NRG1: variants seen among roughly 807,000 people sequenced by gnomAD.
NRG1 encodes neuregulin 1, also known as pro-neuregulin-1, membrane-bound isoform.
A neutral mutation model predicts 63.8 loss-of-function variants in NRG1; 18 were observed. The observed-to-expected ratio is 0.28, with a 90% CI of 0.19 to 0.42. The LOEUF is 0.42. Ranked by LOEUF, NRG1 falls within the 10% of genes least tolerant of loss-of-function variation. The pLI is 1.00. For synonymous variants in NRG1, 302 were observed against 301.3 expected (o/e 1.00, Z -0.02); for missense variants, 762 against 814.7 (o/e 0.94, Z 0.79).
chr8:32,326,126 C>T (rs1237926180), intron 1 of NRG1, among the ~76,000 whole-genome samples: 2 of 151,874 alleles, frequency 1.3e-5, no homozygotes, highest in Non-Finnish European at 2.9e-5. Flanking sequence ...TCTCCTGCCT[C>T]AGCCTCCTGA....
At chr8:32,671,262 T>C (rs1432462297) in intron 5 of NRG1, among the ~76,000 whole-genome samples, 1 of 152,158 alleles carries the variant, frequency 6.6e-6, no homozygotes, top group African/African-American at 2.4e-5. Context: ...CCTCTTCCTT[T>C]GTTCCTCCTC....
intron 1 of NRG1, among the ~76,000 whole-genome samples, chr8:32,538,261 TC>T (rs1832225704): frequency 1.3e-5 from 2 of 152,146 alleles, no homozygotes; most frequent in Admixed American, 6.5e-5. Context: ...TCTCAAGCAA[TC>T]AAAAAATATC....
intron 1 of NRG1, among the ~76,000 whole-genome samples, chr8:32,317,246 C>A (rs775448053): frequency 1.3e-5 from 2 of 152,166 alleles, no homozygotes; most frequent in Non-Finnish European, 1.5e-5. Context: ...TTTGAAGCAT[C>A]TCTGCTTACG....
chr8:32,044,912 G>GA (rs1563719018), intron 1 of NRG1, among the ~76,000 whole-genome samples: 1 of 3,676 alleles, frequency 2.7e-4, no homozygotes, highest in Non-Finnish European at 9.6e-4. Flanking sequence ...ATAAAGAAAA[G>GA]CAAAAAAAAA....
chr8:31,645,139 T>C (rs1371386228), intron 1 of NRG1, among the ~76,000 whole-genome samples: 1 of 152,202 alleles, frequency 6.6e-6, no homozygotes, highest in Admixed American at 6.5e-5. Flanking sequence ...TGCATACATA[T>C]TGTTACTCCG....
chr8:31,743,765 G>C (rs559427354), intron 1 of NRG1, among the ~76,000 whole-genome samples: 1 of 151,936 alleles, frequency 6.6e-6, no homozygotes, highest in Non-Finnish European at 1.5e-5. Context: ...AGGCACAAAA[G>C]CTATGATTTT....
chr8:31,920,923 G>T (rs543906681), intron 1 of NRG1, among the ~76,000 whole-genome samples: 2 of 136,112 alleles, frequency 1.5e-5, no homozygotes, highest in East Asian at 4.8e-4. Flanking sequence ...TAGATAGATA[G>T]ATATAAAAAC....
intron 1 of NRG1, among the ~76,000 whole-genome samples, chr8:32,345,942 A>G (rs1345740766): frequency 6.6e-6 from 1 of 152,004 alleles, no homozygotes; most frequent in African/African-American, 2.4e-5. Context: ...TGGGAGGCAG[A>G]AGTTGCAGTG....
intron 1 of NRG1, among the ~76,000 whole-genome samples, chr8:31,865,449 G>T (rs1482145670): frequency 6.6e-6 from 1 of 152,070 alleles, no homozygotes; most frequent in Non-Finnish European, 1.5e-5. Context: ...ATATGGTTTT[G>T]CTGTGTTCCC....
intron 1 of NRG1, among the ~76,000 whole-genome samples, chr8:32,410,737 C>T (rs182163774): frequency 6.6e-6 from 1 of 152,170 alleles, no homozygotes; most frequent in East Asian, 1.9e-4. Context: ...ACTGAAAGTC[C>T]CCAGAGTCTG....
intron 5 of NRG1, among the ~76,000 whole-genome samples, chr8:32,696,176 C>A (rs575514499): frequency 6.6e-6 from 1 of 152,172 alleles, no homozygotes; most frequent in Non-Finnish European, 1.5e-5. Flanking sequence ...TCAAAACCAA[C>A]ATTCTTAGGA....
At chr8:32,428,483 T>C (rs542523517) in intron 1 of NRG1, among the ~76,000 whole-genome samples, 1 of 152,332 alleles carries the variant, frequency 6.6e-6, no homozygotes, top group South Asian at 2.1e-4. Context: ...ATTTCAATCA[T>C]AGCCCTAAAT....
intron 1 of NRG1, among the ~76,000 whole-genome samples, chr8:32,062,860 T>C (rs1035416516): frequency 6.6e-6 from 1 of 152,128 alleles, no homozygotes; most frequent in East Asian, 1.9e-4. Flanking sequence ...TCTCTTTTGG[T>C]AACCCACAGG....
intron 1 of NRG1, among the ~76,000 whole-genome samples, chr8:31,924,745 G>A (rs569066824): frequency 1.2e-4 from 18 of 151,308 alleles, no homozygotes; most frequent in Non-Finnish European, 2.1e-4. Flanking sequence ...ATGTTAGGCC[G>A]TAAGTTTCTC....
At chr8:31,980,255 C>G (rs949498451) in intron 1 of NRG1, among the ~76,000 whole-genome samples, 6 of 151,910 alleles carry the variant, frequency 3.9e-5, no homozygotes, top group African/African-American at 1.4e-4. Context: ...ACCTGTCACT[C>G]TCAGTTCAGA....
chr8:31,674,743 C>T (rs1449965417), intron 1 of NRG1, among the ~76,000 whole-genome samples: 1 of 152,196 alleles, frequency 6.6e-6, no homozygotes, highest in Non-Finnish European at 1.5e-5. Flanking sequence ...TCAACAGTTA[C>T]CCTAAAGCCT....
chr8:31,845,101 C>T (rs568204550), intron 1 of NRG1, among the ~76,000 whole-genome samples: 20 of 125,278 alleles, frequency 1.6e-4, no homozygotes, highest in East Asian at 4.1e-4. Flanking sequence ...GGTGAGACTC[C>T]GTCTCAAATA....
At chr8:31,916,519 A>G (rs1326095707) in intron 1 of NRG1, among the ~76,000 whole-genome samples, 2 of 152,194 alleles carry the variant, frequency 1.3e-5, no homozygotes, top group Non-Finnish European at 2.9e-5. Flanking sequence ...CCACGTCCCT[A>G]TAAAGGACAT....
At chr8:32,404,416 C>G (rs1006758083) in intron 1 of NRG1, among the ~76,000 whole-genome samples, 1 of 151,996 alleles carries the variant, frequency 6.6e-6, no homozygotes, top group Non-Finnish European at 1.5e-5. Context: ...TATTCATCAT[C>G]GTGTCTTCAG....
Sources: allele counts gnomAD v4.1 joint callset (sites outside exome capture counted in the v4.1 genomes callset), GRCh38; gene constraint gnomAD v4.1.1; transcripts MANE v1.5; gene names NCBI Gene and HGNC (gene_info 2026-07-23, HGNC 2026-07-21).